DLGAP1: variants seen among roughly 807,000 people sequenced by gnomAD.
DLGAP1 encodes disks large-associated protein 1.
Under a neutral mutation model 90.8 loss-of-function variants are expected in DLGAP1, and 11 were observed. The observed-to-expected ratio is 0.12, with a 90% CI of 0.08 to 0.20. The LOEUF (loss-of-function observed/expected upper bound fraction) is 0.20, where lower values mean the gene tolerates loss of function less well. Among genes scored for constraint, DLGAP1 ranks in the 10% least tolerant of loss-of-function variants. DLGAP1 has a pLI of 1.00. For missense variants in DLGAP1, 1,050 were observed against 1,333.8 expected (o/e 0.79, Z 3.31); for synonymous variants, 558 against 540.7 (o/e 1.03, Z -0.44).
intron 1 of DLGAP1, among the ~76,000 whole-genome samples, chr18:4,354,829 C>T (rs2081472245): frequency 7.8e-6 from 1 of 128,996 alleles, no homozygotes; most frequent in Admixed American, 9.4e-5. Context: ...ATTCAAGCTA[C>T]CTAAGAAGAA....
intron 9 of DLGAP1, among the ~76,000 whole-genome samples, chr18:3,551,912 G>A (rs932938380): frequency 1.3e-5 from 2 of 150,810 alleles, no homozygotes; most frequent in Non-Finnish European, 3.0e-5. Flanking sequence ...CCAAGTAGCT[G>A]GGACTACAGG....
intron 11 of DLGAP1, among the ~76,000 whole-genome samples, chr18:3,506,231 C>T (rs895915291): frequency 4.0e-5 from 6 of 149,430 alleles, no homozygotes; most frequent in South Asian, 2.1e-4. Flanking sequence ...GAGTGAAACT[C>T]GGCCGGGCAT....
intron 1 of DLGAP1, among the ~76,000 whole-genome samples, chr18:4,300,271 G>A (rs1445818056): frequency 6.6e-6 from 1 of 152,082 alleles, no homozygotes; most frequent in African/African-American, 2.4e-5. Context: ...TTGATAAAAT[G>A]ATCGTGTTTA....
intron 3 of DLGAP1, among the ~76,000 whole-genome samples, chr18:3,982,645 C>T (rs2073758257): frequency 6.6e-6 from 1 of 152,108 alleles, no homozygotes; most frequent in South Asian, 2.1e-4. Context: ...GCCCTTAAGA[C>T]ATTCATTCCA....
intron 4 of DLGAP1, among the ~76,000 whole-genome samples, chr18:3,828,082 G>C (rs2067818410): frequency 6.6e-6 from 1 of 152,140 alleles, no homozygotes; most frequent in Non-Finnish European, 1.5e-5. Context: ...ACTGATTGTA[G>C]TCGTGTAGAA....
chr18:4,081,030 A>C (rs2075600212), intron 2 of DLGAP1, among the ~76,000 whole-genome samples: 1 of 151,912 alleles, frequency 6.6e-6, no homozygotes. Context: ...CTGGGATTAC[A>C]GGCATGCACC....
At chr18:3,878,983 C>T (rs529864108) in intron 4 of DLGAP1, 129 bp downstream of exon 4, 6 of 748,544 alleles carry the variant, frequency 8.0e-6, no homozygotes, top group Non-Finnish European at 9.7e-6. Context: ...ACAGAGATGC[C>T]GAATAATTTG....
intron 2 of DLGAP1, among the ~76,000 whole-genome samples, chr18:4,031,009 C>T (rs2074787487): frequency 6.6e-6 from 1 of 152,204 alleles, no homozygotes; most frequent in Non-Finnish European, 1.5e-5. Flanking sequence ...GACCACCCTA[C>T]ATAAATCCCC....
chr18:4,019,503 G>A (rs1321385525), intron 2 of DLGAP1, among the ~76,000 whole-genome samples: 1 of 152,080 alleles, frequency 6.6e-6, no homozygotes, highest in African/African-American at 2.4e-5. Flanking sequence ...TTATGCAAAT[G>A]TGTATTTTCC....
intron 7 of DLGAP1, among the ~76,000 whole-genome samples, chr18:3,637,638 T>C (rs951407908): frequency 6.7e-6 from 1 of 149,620 alleles, no homozygotes; most frequent in Non-Finnish European, 1.5e-5. Flanking sequence ...TCCCAGCTAC[T>C]CAAGACACCA....
intron 8 of DLGAP1, chr18:3,580,359 C>T (rs1367807565): frequency 1.2e-5 from 20 of 1,613,792 alleles, no homozygotes; most frequent in East Asian, 4.5e-5. Context: ...GCCACAGACT[C>T]GGGGCTCGAA....
chr18:3,831,602 T>G (rs982900877), intron 4 of DLGAP1, among the ~76,000 whole-genome samples: 5 of 152,220 alleles, frequency 3.3e-5, no homozygotes, highest in African/African-American at 7.2e-5. Context: ...CAAATCATCC[T>G]TTGGGAAATG....
chr18:3,504,775 G>C (rs2050127125), intron 11 of DLGAP1, among the ~76,000 whole-genome samples: 1 of 152,146 alleles, frequency 6.6e-6, no homozygotes, highest in Admixed American at 6.6e-5. Flanking sequence ...TAAGAAGATA[G>C]ATAGAGAAAC....
intron 7 of DLGAP1, among the ~76,000 whole-genome samples, chr18:3,622,487 C>T (rs190670875): frequency 6.6e-6 from 1 of 152,156 alleles, no homozygotes; most frequent in African/African-American, 2.4e-5. Context: ...TTGGCTCTGT[C>T]CCCTGGGGAA....
At chr18:4,361,817 AT>A (rs2081636039) in intron 1 of DLGAP1, among the ~76,000 whole-genome samples, 1 of 152,172 alleles carries the variant, frequency 6.6e-6, no homozygotes, top group Non-Finnish European at 1.5e-5. Flanking sequence ...AGGAGAAAAG[AT>A]TTACAAATCA....
intron 2 of DLGAP1, among the ~76,000 whole-genome samples, chr18:4,022,479 C>T (rs1599340341): frequency 6.6e-6 from 1 of 152,074 alleles, no homozygotes; most frequent in Non-Finnish European, 1.5e-5. Context: ...GCTTAATTTA[C>T]ATAGATGATA....
chr18:3,600,969 G>GATAGATAT (rs71366693), intron 7 of DLGAP1, among the ~76,000 whole-genome samples: 34,888 of 87,364 alleles, frequency 0.4, 10,374 homozygotes, highest in Middle Eastern at 0.55. Context: ...TAGATATATA[G>GATAGATAT]ATAGATATAT....
intron 5 of DLGAP1, among the ~76,000 whole-genome samples, chr18:3,764,674 T>C (rs1392343720): frequency 6.6e-6 from 1 of 152,226 alleles, no homozygotes; most frequent in Non-Finnish European, 1.5e-5. Flanking sequence ...AGGTAAATAT[T>C]TGCAGTCTAA....
Position 4,324,436 on chromosome 18 carries a change from G to A in DLGAP1, c.-267+130570C>T, listed in dbSNP as rs534749017. ...GATTCACAGCCAAATTCTGTCAGAT[G>A]TATAAACAGGAGCTGGTGCCATTCC... On this transcript the variant is annotated intron_variant, in intron 1 of 12. Transcript: ENST00000315677. 1.4e-4 allele frequency among the ~76,000 whole-genome samples: 21 copies of A among 151,990 alleles called. 1 individual carries two copies. Among genetic ancestry groups the A allele is most frequent in the African/African-American group, 5.1e-4 (21 of 41,466 alleles).
Sources: gnomAD v4.1 joint callset for allele counts (sites outside exome capture counted in the v4.1 genomes callset) on GRCh38, gnomAD v4.1.1 for gene constraint, MANE v1.5 for transcripts, NCBI Gene and HGNC (gene_info 2026-07-23, HGNC 2026-07-21) for gene names.